CCDC24: variants seen among roughly 807,000 people sequenced by gnomAD.
CCDC24 encodes coiled-coil domain-containing protein 24.
A neutral mutation model predicts 31.6 loss-of-function variants in CCDC24; 34 were observed. The ratio of observed to expected loss-of-function variants is 1.08; its 90% CI spans 0.82 to 1.43. The LOEUF (loss-of-function observed/expected upper bound fraction) is 1.43, where lower values mean the gene tolerates loss of function less well. Ranked by LOEUF, CCDC24 falls within the 40% of genes most tolerant of loss-of-function variation. The pLI, the probability that CCDC24 is intolerant of heterozygous loss-of-function variation, is 0.00. For missense variants in CCDC24, 426 were observed against 391.1 expected, an observed-to-expected ratio of 1.09 and a Z score of -0.75; for synonymous variants, 175 against 157.3, an observed-to-expected ratio of 1.11 and a Z score of -0.84.
At position 43,996,342 on chromosome 1, in the gene CCDC24, C is replaced by T; in HGVS notation, c.*182C>T. 1.7e-6 allele frequency: 1 copy of T among 591,966 alleles called. No individual in the cohort carries two copies. The highest frequency in any genetic ancestry group is 2.4e-5 in the South Asian group (1 of 42,204). 36.7% of individuals were successfully genotyped at this position (591,966 alleles called of 1,614,324 possible). On this transcript the variant is annotated 3_prime_UTR_variant, in exon 9 of 9. Coordinates refer to ENST00000372318, the MANE Select transcript of CCDC24 (RefSeq NM_152499.4). ...CTTGCCAGATCCCTGGTGTCTGGAG[C>T]TGAGTGGCCGGGCATCGGTCCCAAG...
At chr1:43,992,455 C>A in intron 3 of CCDC24, 68 bp downstream of exon 3, 1 of 1,611,830 alleles carries the variant, frequency 6.2e-7, no homozygotes, top group Non-Finnish European at 8.5e-7. Flanking sequence ...TAACAAGGAG[C>A]CAGGGTTGCC....
chr1:43,992,723 A>G, intron 4 of CCDC24, 84 bp downstream of exon 4: 1 of 1,222,724 alleles, frequency 8.2e-7, no homozygotes. Flanking sequence ...GGCTCCATGC[A>G]GGAGATTCCA....
rs1402875651 is a variant in CCDC24, at chr1:43,993,298, G to A, written c.420-589G>A. On this transcript the variant is annotated intron_variant, in intron 4 of 8. Transcript: ENST00000372318. The stretch of plus-strand genomic sequence containing the variant: ...TTTACAAAAAGTGAAAAAAAAAATA[G>A]TCAGGTGAGGTGGCGCATGCCTGTA... Among the ~76,000 whole-genome samples, 72 of 137,274 alleles carry A rather than the reference G, an allele frequency of 5.2e-4. 1 individual carries two copies. The highest frequency in any genetic ancestry group is 2.4e-3 in the South Asian group (10 of 4,194). The allele number at this position is 137,274 out of a possible 152,430, so 90.1% of individuals were successfully genotyped here. A position where few individuals can be genotyped will look rare whatever the true frequency, so the allele number is the denominator to read the frequency against.
chr1:43,992,067 T>TC (rs11376967), intron 2 of CCDC24, 63 bp downstream of exon 2: 1,480,841 of 1,480,860 alleles, frequency 1, 740,411 homozygotes, highest in Middle Eastern at 1. Context: ...ATTTCCCACC[T>TC]CTGCGGGTCC....
Position 43,991,991 on chromosome 1 carries a change from A to G in CCDC24, c.113A>G (p.Glu38Gly). The G allele has an allele frequency of 6.6e-7, 1 of 1,507,902 alleles. No individual in the cohort carries two copies. 93.4% of individuals were successfully genotyped at this position (1,507,902 alleles called of 1,614,324 possible). A position where few individuals can be genotyped will look rare whatever the true frequency, so the allele number is the denominator to read the frequency against. Residue 38 changes from glutamate (E) to glycine (G), a missense_variant, in exon 2 of 9, where the codon GAG becomes GGG. Coordinates refer to ENST00000372318, the MANE Select transcript of CCDC24 (RefSeq NM_152499.4). ...GAGGCGGCGGTGGACCTGAGCCTGG[A>G]GCTGCGGGCGGAGGTGGGGAGAGGG... ...LGEAAVDLSL[E>G]LRAEVAMLRA... is the part of the protein sequence containing the mutation.
At position 43,995,490 on chromosome 1, in the gene CCDC24, G is replaced by A; in HGVS notation, c.553-111G>A. Reference sequence around the variant, plus strand: ...CCTGGGGAACGTGGCTGCCCTCACGGTGGATGGGCTGAAGGGGCTGCACGG... The same window carrying A: ...CCTGGGGAACGTGGCTGCCCTCACGATGGATGGGCTGAAGGGGCTGCACGG... On this transcript the variant is annotated intron_variant, in intron 6 of 8. Transcript: ENST00000372318. This position sits in a 1 kb window ranked among gnomAD's most constrained non-coding sequence, Gnocchi z 4.3. The A allele has an allele frequency of 1.6e-6, 2 of 1,213,734 alleles. No homozygotes were observed. The highest frequency in any genetic ancestry group is 2.6e-5 in the East Asian group (1 of 38,940). 75.2% of individuals were successfully genotyped at this position (1,213,734 alleles called of 1,614,324 possible).
At position 43,995,585 on chromosome 1, in the gene CCDC24, G is replaced by A. The variant is rs376842836; in HGVS notation, c.553-16G>A. 94 of 1,595,678 alleles carry A rather than the reference G, an allele frequency of 5.9e-5. No homozygotes were observed. The African/African-American group carries it at 7.6e-4, about 13-fold the overall frequency. On this transcript the variant is annotated splice_polypyrimidine_tract_variant and intron_variant, in intron 6 of 8. Transcript: ENST00000372318. The surrounding 1 kb of genome is among the most constrained non-coding windows in gnomAD (Gnocchi z 4.3). ...CCCTGCCTTGAGTCTGGGCACTGAC[G>A]CAGCTCTCCCTGCAGCGCTGCCTGG...
In CCDC24 at chr1:43,991,714, A is replaced by G. The variant is rs1385394707; in HGVS notation, c.-65A>G. The stretch of plus-strand genomic sequence containing the variant: ...AGGACTGGCAGTTCCGGAACGGGCA[A>G]TCCCAGCCGAGGGGACCAGCGGCAG... On this transcript the variant is annotated 5_prime_UTR_variant, in exon 1 of 9. Coordinates refer to ENST00000372318, the MANE Select transcript of CCDC24 (RefSeq NM_152499.4). The G allele has an allele frequency of 4.3e-6, 4 of 938,954 alleles. No individual in the cohort carries two copies. The highest frequency in any genetic ancestry group is 6.6e-6 in the Non-Finnish European group (4 of 601,860). The allele number at this position is 938,954 out of a possible 1,614,324, so 58.2% of individuals were successfully genotyped here.
Position 43,995,317 on chromosome 1 carries a change from G to A in CCDC24, c.552+155G>A. 1 of 841,688 alleles carries A rather than the reference G, an allele frequency of 1.2e-6. No homozygotes were observed. Among genetic ancestry groups the A allele is most frequent in the South Asian group, 1.7e-5 (1 of 59,276 alleles). The allele number at this position is 841,688 out of a possible 1,614,324, so 52.1% of individuals were successfully genotyped here. On this transcript the variant is annotated intron_variant, in intron 6 of 8. Transcript: ENST00000372318. This position sits in a 1 kb window ranked among gnomAD's most constrained non-coding sequence, Gnocchi z 4.3. ...CAGGGGTGCATGCTTGTGTGCACCT[G>A]CAAAATCCTGGAGGCCCAGGATTCT...
In CCDC24 at chr1:43,991,698, A is replaced by G. The variant is rs977725150; in HGVS notation, c.-81A>G. The stretch of plus-strand genomic sequence containing the variant: ...GCAGAAGAGAGCGCCAAGGACTGGC[A>G]GTTCCGGAACGGGCAATCCCAGCCG... On this transcript the variant is annotated 5_prime_UTR_variant, in exon 1 of 9. Coordinates refer to ENST00000372318, the MANE Select transcript of CCDC24 (RefSeq NM_152499.4). 27 of 814,990 alleles carry G rather than the reference A, an allele frequency of 3.3e-5. No individual in the cohort carries two copies. Among genetic ancestry groups the G allele is most frequent in the Non-Finnish European group, 4.9e-5 (24 of 488,332 alleles). 50.5% of individuals were successfully genotyped at this position (814,990 alleles called of 1,614,324 possible).
chr1:43,992,855 G>A (rs1050850556), intron 4 of CCDC24, among the ~76,000 whole-genome samples: 2 of 152,240 alleles, frequency 1.3e-5, no homozygotes, highest in African/African-American at 4.8e-5. Flanking sequence ...GGAGAAAGTG[G>A]TTTGATCTGC....
At position 43,995,666 on chromosome 1, in the gene CCDC24, G is replaced by C; in HGVS notation, c.618G>C (p.Leu206=). The C allele has an allele frequency of 6.2e-7, 1 of 1,613,596 alleles. No individual in the cohort carries two copies. The highest frequency in any genetic ancestry group is 8.5e-7 in the Non-Finnish European group (1 of 1,179,738). ...HPSEAALEPT[L]AELKEQKKAM... ...CTGAGGCAGCCCTGGAGCCCACCCT[G>C]GCAGGTGAGGACACGGAGCAGGGCC... Residue 206 remains leucine (L), a synonymous_variant, in exon 7 of 9, where the codon CTG becomes CTC. Transcript: ENST00000372318. The surrounding 1 kb of genome is among the most constrained non-coding windows in gnomAD (Gnocchi z 4.3).
rs762060345 is a variant in CCDC24, at chr1:43,995,671, G to A, written c.622+1G>A. 15 of 1,613,676 alleles carry A rather than the reference G, an allele frequency of 9.3e-6. No homozygotes were observed. The South Asian group carries it at 1.1e-4, about 12-fold the overall frequency. ...GCAGCCCTGGAGCCCACCCTGGCAG[G>A]TGAGGACACGGAGCAGGGCCCAGAA... On this transcript the variant is annotated splice_donor_variant, in intron 7 of 8. Coordinates refer to ENST00000372318, the MANE Select transcript of CCDC24 (RefSeq NM_152499.4). LOFTEE classifies it high-confidence loss of function. This position sits in a 1 kb window ranked among gnomAD's most constrained non-coding sequence, Gnocchi z 4.3.
At position 43,992,298 on chromosome 1, in the gene CCDC24, G is replaced by T. The variant is rs956934591; in HGVS notation, c.213G>T (p.Leu71=). The change falls in exon 3 of 9, where the codon CTG becomes CTT. Residue 71 remains leucine, a synonymous_variant. Transcript: ENST00000372318. ...CCATCTCTGACCCCTCTTCTCTTCT[G>T]GCACCACCGCCTCTCCTAAAGGACC... ...SRPISDPSSL[L]APPPLLKDLL... 2 of 1,613,960 alleles carry T rather than the reference G, an allele frequency of 1.2e-6. No individual in the cohort carries two copies. Among genetic ancestry groups the T allele is most frequent in the African/African-American group, 2.7e-5 (2 of 74,866 alleles).
chr1:43,993,881 T>C lies in CCDC24; in HGVS notation c.420-6T>C. 1 of 1,614,086 alleles carries C rather than the reference T, an allele frequency of 6.2e-7. No individual in the cohort carries two copies. The highest frequency in any genetic ancestry group is 1.1e-5 in the South Asian group (1 of 91,078). ...ATGCGGAGAGTGATAGTGACTTCAT[T>C]GCCAGCAGCGGTCACAGAGATCTCA... On this transcript the variant is annotated splice_polypyrimidine_tract_variant and splice_region_variant and intron_variant, in intron 4 of 8. Coordinates refer to ENST00000372318, the MANE Select transcript of CCDC24 (RefSeq NM_152499.4).
intron 1 of CCDC24, 27 bp from the exon 2 acceptor site, chr1:43,991,820 T>C: frequency 2.6e-6 from 4 of 1,541,336 alleles, no homozygotes; most frequent in East Asian, 2.5e-5. Flanking sequence ...CCGCGGTACC[T>C]CCCGCACTCT....
chr1:43,993,136 A>G (rs2085775121), intron 4 of CCDC24, among the ~76,000 whole-genome samples: 1 of 152,140 alleles, frequency 6.6e-6, no homozygotes, highest in Non-Finnish European at 1.5e-5. Flanking sequence ...CAAAATCTCC[A>G]TTTTGCACAA....
chr1:43,992,188 A>T, intron 2 of CCDC24, 24 bp from the exon 3 acceptor site: 1 of 1,593,746 alleles, frequency 6.3e-7, no homozygotes, highest in Non-Finnish European at 8.6e-7. Context: ...CCCCAGTCGC[A>T]AGGTATCCCA....
chr1:43,992,222 T>C lies in CCDC24; in HGVS notation c.137T>C (p.Leu46Ser), dbSNP rs1321991299. The change falls in exon 3 of 9, where the codon TTA becomes TCA. Residue 46 changes from leucine to serine, a missense_variant. Transcript: ENST00000372318. ...SLELRAEVAMLRALLQEARSS... is the reference protein window; with the variant it reads ...SLELRAEVAMSRALLQEARSS... The stretch of plus-strand genomic sequence containing the variant: ...CAGCTCTCCTTGCAGGTGGCGATGT[T>C]ACGGGCACTGCTCCAAGAGGCTCGA... 2 of 1,612,934 alleles carry C rather than the reference T, an allele frequency of 1.2e-6. No homozygotes were observed. Among genetic ancestry groups the C allele is most frequent in the Admixed American group, 1.7e-5 (1 of 59,866 alleles).
Sources: allele counts gnomAD v4.1 joint callset (sites outside exome capture counted in the v4.1 genomes callset), GRCh38; gene constraint gnomAD v4.1.1; non-coding constraint Gnocchi (gnomAD v3.1); transcripts MANE v1.5; gene names NCBI Gene and HGNC (gene_info 2026-07-23, HGNC 2026-07-21).